Variants in DMD observed in about 807,000 individuals in gnomAD.
DMD encodes the protein dystrophin.
Under a neutral mutation model 330.1 loss-of-function variants are expected in DMD, and 63 were observed. The ratio of observed to expected loss-of-function variants is 0.19; its 90% CI spans 0.16 to 0.24. DMD has a LOEUF of 0.24. Among genes scored for constraint, DMD ranks in the 10% least tolerant of loss-of-function variants. DMD has a pLI of 1.00. For missense variants in DMD, 3,344 were observed against 2,684.1 expected, an observed-to-expected ratio of 1.25 and a Z score of -5.43; for synonymous variants, 1,223 against 959.8, an observed-to-expected ratio of 1.27 and a Z score of -5.07.
intron 29 of DMD, among the ~76,000 whole-genome samples, chrX:32,418,972 CAAAAAAAAAAAAAA>C (rs1160282195): frequency 1.5e-4 from 2 of 13,508 alleles, no homozygotes; most frequent in East Asian, 2.8e-3. Flanking sequence ...GACTCTGTCT[CAAAAAAAAAAAAAA>C]AAAAAAAAAA....
chrX:32,560,641 C>A (rs747229428), intron 16 of DMD, among the ~76,000 whole-genome samples: 1 of 111,196 alleles, frequency 9.0e-6, no homozygotes, highest in Non-Finnish European at 1.9e-5. Flanking sequence ...TCCCTGTGCC[C>A]ATGTGTTCCC....
At chrX:32,324,374 G>A (rs865854902) in intron 41 of DMD, among the ~76,000 whole-genome samples, 2 of 110,552 alleles carry the variant, frequency 1.8e-5, no homozygotes, top group Non-Finnish European at 3.8e-5. Context: ...ACAATGCTGC[G>A]TTAATGGTGA....
chrX:31,564,953 G>GTCT (rs2147882809), intron 55 of DMD, among the ~76,000 whole-genome samples: 1 of 112,381 alleles, frequency 8.9e-6, no homozygotes, highest in South Asian at 3.7e-4. Flanking sequence ...ATGAAAGTAA[G>GTCT]TCACTTCAGT....
chrX:33,022,466 G>A (rs757323177), intron 1 of DMD, among the ~76,000 whole-genome samples: 2 of 110,080 alleles, frequency 1.8e-5, no homozygotes, highest in African/African-American at 3.3e-5. Flanking sequence ...TCACCTCTAC[G>A]TCTTTAATAC....
At chrX:31,760,942 A>AT (rs35766737) in intron 51 of DMD, among the ~76,000 whole-genome samples, 30,498 of 80,808 alleles carry the variant, frequency 0.38, 5,527 homozygotes, top group African/African-American at 0.48. Flanking sequence ...CCTAGTTAGT[A>AT]TTTTTTTTTT....
At chrX:32,180,289 T>C (rs1199773536) in intron 44 of DMD, among the ~76,000 whole-genome samples, 1 of 111,830 alleles carries the variant, frequency 8.9e-6, no homozygotes, top group Non-Finnish European at 1.9e-5. Context: ...TCTGAAATAT[T>C]ACCTCCTTCT....
At chrX:32,175,748 A>C (rs16990140) in intron 44 of DMD, among the ~76,000 whole-genome samples, 2 of 111,091 alleles carry the variant, frequency 1.8e-5, no homozygotes, top group Non-Finnish European at 3.8e-5. Flanking sequence ...CCACATGTAC[A>C]GTCCTTACCT....
rs59989996 is a variant in DMD, at chrX:31,370,098, C to CAAAAAAAAAA, written c.9085-21474_9085-21465dup. On this transcript the variant is annotated intron_variant, in intron 60 of 78. Transcript: ENST00000357033. ...TGGGCGACAGAGCGAGGCTCCGTCTCAAAAAAAAAAAAAAAAAAGAACAGG... is the reference window on the plus strand; with the variant it reads ...TGGGCGACAGAGCGAGGCTCCGTCTCAAAAAAAAAAAAAAAAAAAAAAAAAAAAGAACAGG... Among the ~76,000 whole-genome samples, 64 of 59,320 alleles carry CAAAAAAAAAA rather than the reference C, an allele frequency of 1.1e-3. 1 individual carries two copies. Among genetic ancestry groups the CAAAAAAAAAA allele is most frequent in the African/African-American group, 4.8e-3 (61 of 12,709 alleles). 51.5% of individuals were successfully genotyped at this position (59,320 alleles called of 115,157 possible). A position where few individuals can be genotyped will look rare whatever the true frequency, so the allele number is the denominator to read the frequency against.
At position 32,348,463 on chromosome X, in the gene DMD, C is replaced by T. The variant is rs2097771244; in HGVS notation, c.5391G>A (p.Leu1797=). ...TCACCCCCTGCTGAATTTCAGCCTC[C>T]AGTGGTTCAAGCAATTTTTGTATAT... ...NSDIQKLLEP[L]EAEIQQGVNL... Residue 1797 remains leucine, a synonymous_variant, in exon 38 of 79, where the codon CTG becomes CTA. Transcript: ENST00000357033. The T allele has an allele frequency of 8.3e-7, 1 of 1,206,273 alleles. No homozygotes were observed.
chrX:32,246,312 C>A lies in DMD; in HGVS notation c.6291-29249G>T, dbSNP rs867648078. On this transcript the variant is annotated intron_variant, in intron 43 of 78. Transcript: ENST00000357033. ...CCAGCCTTGCATCCCAAGGATGAAG[C>A]CCACTTGATCATGGTGGATAAGCTT... 4.1e-3 allele frequency among the ~76,000 whole-genome samples: 420 copies of A among 101,786 alleles called. 3 individuals carry two copies. Among genetic ancestry groups the A allele is most frequent in the Middle Eastern group, 0.015 (3 of 201 alleles). 88.4% of individuals were successfully genotyped at this position (101,786 alleles called of 115,157 possible).
At chrX:32,218,566 G>T (rs1351321310) in intron 43 of DMD, among the ~76,000 whole-genome samples, 1 of 111,909 alleles carries the variant, frequency 8.9e-6, no homozygotes, top group African/African-American at 3.2e-5. Flanking sequence ...AGTAACACTA[G>T]AAGTTTTAAA....
intron 2 of DMD, among the ~76,000 whole-genome samples, chrX:32,939,143 CTTCT>C (rs1440615459): frequency 9.2e-6 from 1 of 108,379 alleles, no homozygotes; most frequent in Non-Finnish European, 1.9e-5. Flanking sequence ...TTCGCTAATA[CTTCT>C]TTCTTTTTGT....
intron 60 of DMD, among the ~76,000 whole-genome samples, chrX:31,434,416 GCGCACA>G (rs1277620826): frequency 9.0e-5 from 6 of 66,380 alleles, no homozygotes; most frequent in Non-Finnish European, 1.5e-4. Flanking sequence ...TGCAGCGCGC[GCGCACA>G]CACACACACA....
Position 32,166,001 on chromosome X carries a change from C to T in DMD, c.6438+50915G>A, listed in dbSNP as rs189497803. Among the ~76,000 whole-genome samples the T allele has an allele frequency of 1.7e-4, 19 of 111,315 alleles. No individual in the cohort carries two copies. The East Asian group carries it at 5.1e-3, about 30-fold the overall frequency. On this transcript the variant is annotated intron_variant, in intron 44 of 78. Transcript: ENST00000357033. ...TTTAAGTTTCCTGAGGCCTCCCCAG[C>T]CATATTGAACTGTGAGTCAATTAAA...
intron 44 of DMD, among the ~76,000 whole-genome samples, chrX:32,119,328 TAAAA>T (rs563310793): frequency 1.4e-5 from 1 of 73,100 alleles, no homozygotes. Flanking sequence ...GTGAGACAGT[TAAAA>T]AAAAAAAAAA....
At chrX:31,175,725 C>A (rs1164188262) in intron 71 of DMD, among the ~76,000 whole-genome samples, 2 of 111,205 alleles carry the variant, frequency 1.8e-5, no homozygotes, top group Non-Finnish European at 3.8e-5. Context: ...GGATTACTTA[C>A]TATAAGAGTT....
chrX:32,824,907 C>A (rs2078573322), intron 4 of DMD, among the ~76,000 whole-genome samples: 1 of 111,323 alleles, frequency 9.0e-6, no homozygotes. Context: ...AAGAAAGCAT[C>A]ATCATCTGCA....
chrX:32,332,475 G>T (rs1017743665), intron 41 of DMD, among the ~76,000 whole-genome samples: 5 of 105,844 alleles, frequency 4.7e-5, no homozygotes, highest in Non-Finnish European at 9.7e-5. Flanking sequence ...AAGATTCATT[G>T]AAAAAAACAC....
rs764749286 is a variant in DMD, at chrX:32,730,655, A to G, written c.650-31362T>C. 1.5e-3 allele frequency among the ~76,000 whole-genome samples: 170 copies of G among 112,275 alleles called. 2 individuals carry two copies. The highest frequency in any genetic ancestry group is 5.3e-3 in the African/African-American group (163 of 30,915). On this transcript the variant is annotated intron_variant, in intron 7 of 78. Coordinates refer to ENST00000357033, the MANE Select transcript of DMD (RefSeq NM_004006.3). ...GACTAGAAAGCCTATGAAAAATATT[A>G]GTAACTACTGAGTTTGGAATCTTTA...
Sources: gnomAD v4.1 joint callset for allele counts (sites outside exome capture counted in the v4.1 genomes callset) on GRCh38, gnomAD v4.1.1 for gene constraint, MANE v1.5 for transcripts, NCBI Gene and HGNC (gene_info 2026-07-23, HGNC 2026-07-21) for gene names.